PIH1D2: variants seen among roughly 807,000 people sequenced by gnomAD.
The protein encoded by PIH1D2 is PIH1 domain-containing protein 2.
PIH1D2 carries 25 observed loss-of-function variants against 31.2 expected under a neutral mutation model. That is an observed-to-expected ratio of 0.80 (90% CI 0.58 to 1.12). The LOEUF is 1.12. Ranked by LOEUF, PIH1D2 falls within the 50% of genes most tolerant of loss-of-function variation. The pLI is 0.00. For synonymous variants in PIH1D2, 116 were observed against 119.9 expected, an observed-to-expected ratio of 0.97 and a Z score of 0.21; for missense variants, 310 against 356.6, an observed-to-expected ratio of 0.87 and a Z score of 1.05.
intron 4 of PIH1D2, 66 bp from the exon 5 acceptor site, chr11:112,070,767 T>C (rs1392854163): frequency 6.6e-7 from 1 of 1,510,676 alleles, no homozygotes; most frequent in African/African-American, 1.4e-5. Flanking sequence ...CTATGAGCTA[T>C]AATATATGTG....
chr11:112,065,782 AC>A (rs1277668867), downstream of PIH1D2, among the ~76,000 whole-genome samples: 1 of 152,218 alleles, frequency 6.6e-6, no homozygotes, highest in African/African-American at 2.4e-5. Context: ...GGAGTTTAAG[AC>A]CAGCCTGGCC....
chr11:112,060,112 G>C (rs782377178), downstream of PIH1D2: 4 of 1,513,676 alleles, frequency 2.6e-6, no homozygotes, highest in East Asian at 9.2e-5. Flanking sequence ...TTTAAGGTTT[G>C]CATAATGCAT....
chr11:112,061,031 C>T (rs781917992), downstream of PIH1D2: 46 of 1,569,132 alleles, frequency 2.9e-5, no homozygotes, highest in South Asian at 1.6e-4. Flanking sequence ...AATTTTTTTT[C>T]CTCTAGGGTG....
the PIH1D2 span, among the ~76,000 whole-genome samples, chr11:112,054,784 G>A: frequency 3.9e-5 from 6 of 152,148 alleles, no homozygotes; most frequent in African/African-American, 7.2e-5. Flanking sequence ...TTCAGCAGGG[G>A]CAATGCGTTC....
chr11:112,066,225 G>A (rs1232079659), downstream of PIH1D2, among the ~76,000 whole-genome samples: 1 of 152,040 alleles, frequency 6.6e-6, no homozygotes, highest in Non-Finnish European at 1.5e-5. Context: ...TTGGATAGTT[G>A]GTACCTTTGT....
the PIH1D2 span, among the ~76,000 whole-genome samples, chr11:112,053,340 A>G: frequency 6.6e-5 from 10 of 152,144 alleles, no homozygotes; most frequent in South Asian, 2.1e-3. Flanking sequence ...TATTTTCCTA[A>G]TAAATATTAA....
chr11:112,070,692 A>G lies in PIH1D2; in HGVS notation c.557T>C (p.Leu186Pro), dbSNP rs782167921. The G allele has an allele frequency of 2.5e-6, 4 of 1,613,282 alleles. No homozygotes were observed. The highest frequency in any genetic ancestry group is 3.4e-6 in the Non-Finnish European group (4 of 1,179,360). The change falls in exon 5 of 6, where the codon CTT (leucine) becomes CCT (proline). Residue 186 changes from leucine to proline, a missense_variant. Coordinates refer to ENST00000280350, the MANE Select transcript of PIH1D2 (RefSeq NM_138789.4). ...LREKMRRELT[L>P]GQIRSSTMSN... ...CATAGTACTGCTTCGTATCTGTCCA[A>G]GAGTTAGTTCTTTATGAAAAAAAGG...
downstream of PIH1D2, among the ~76,000 whole-genome samples, chr11:112,058,712 A>C (rs1371162166): frequency 6.6e-6 from 1 of 151,784 alleles, no homozygotes; most frequent in Admixed American, 6.6e-5. Flanking sequence ...AAATGTTAAC[A>C]GTACTTGTGT....
rs782090248 is a variant in PIH1D2 at position 112,071,000 on chromosome 11, A to G, written c.547+38T>C. 2.5e-6 allele frequency: 4 copies of G among 1,590,452 alleles called. No homozygotes were observed. In the East Asian group the frequency reaches 6.7e-5, roughly 27 times the overall value. ...TGTATACAGGATCCAAAAACATCTT[A>G]AAGCAGTTTAATTTTCCATTTACAA... On this transcript the variant is annotated intron_variant, in intron 4 of 5. Transcript: ENST00000280350.
downstream of PIH1D2, chr11:112,062,874 G>A: frequency 3.6e-6 from 1 of 278,954 alleles, no homozygotes; most frequent in Non-Finnish European, 7.0e-6. Flanking sequence ...GTACATAAAG[G>A]TGACCCTGAT....
At chr11:112,062,427 GTCTGTTACAC>G, downstream of PIH1D2, 1 of 1,612,610 alleles carries the variant, frequency 6.2e-7, no homozygotes, top group Non-Finnish European at 8.5e-7. Context: ...CTAGCATGAT[GTCTGTTACAC>G]TCAGTTGTGA....
chr11:112,064,293 TAA>T, downstream of PIH1D2: 1 of 1,316,946 alleles, frequency 7.6e-7, no homozygotes, highest in Non-Finnish European at 1.0e-6. Flanking sequence ...AGCTATAATC[TAA>T]ATCGATTCAG....
chr11:112,058,624 G>GGA (rs1555182842), downstream of PIH1D2, among the ~76,000 whole-genome samples: 1 of 68,760 alleles, frequency 1.5e-5, no homozygotes, highest in East Asian at 8.6e-4. Context: ...GAAGGGGGGG[G>GGA]TGGGGGGGGG....
At chr11:112,059,689 G>C (rs536625), downstream of PIH1D2, among the ~76,000 whole-genome samples, 1 of 151,982 alleles carries the variant, frequency 6.6e-6, no homozygotes, top group Non-Finnish European at 1.5e-5. Flanking sequence ...CACCGTTCCC[G>C]GACCTCTCTT....
chr11:112,053,299 G>GT, the PIH1D2 span, among the ~76,000 whole-genome samples: 12 of 152,232 alleles, frequency 7.9e-5, no homozygotes, highest in East Asian at 2.3e-3. Flanking sequence ...TCCAGCCTGG[G>GT]TGATAAGAGC....
At chr11:112,058,920 T>C (rs1480942136), downstream of PIH1D2, among the ~76,000 whole-genome samples, 2 of 152,134 alleles carry the variant, frequency 1.3e-5, no homozygotes, top group African/African-American at 2.4e-5. Flanking sequence ...TCAGTATAGT[T>C]TCTCTCTTTT....
the PIH1D2 span, among the ~76,000 whole-genome samples, chr11:112,057,632 C>A: frequency 1.3e-5 from 2 of 152,184 alleles, no homozygotes; most frequent in Non-Finnish European, 2.9e-5. Context: ...CTCTTCAATT[C>A]TTTGAAGGCT....
At chr11:112,061,105 C>T (rs782669907), downstream of PIH1D2, 5 of 1,613,672 alleles carry the variant, frequency 3.1e-6, no homozygotes, top group East Asian at 8.9e-5. Flanking sequence ...ATTATTAACC[C>T]ACCTCAAGCA....
chr11:112,071,786 C>G, intron 2 of PIH1D2, 28 bp from the exon 3 acceptor site: 2 of 1,612,832 alleles, frequency 1.2e-6, no homozygotes, highest in South Asian at 1.1e-5. Flanking sequence ...TTGCACATCT[C>G]AAAACCTAGT....
Sources: gnomAD v4.1 joint callset for allele counts (sites outside exome capture counted in the v4.1 genomes callset) on GRCh38, gnomAD v4.1.1 for gene constraint, MANE v1.5 for transcripts, NCBI Gene and HGNC (gene_info 2026-07-23, HGNC 2026-07-21) for gene names.